KLHDC10: variants seen among roughly 807,000 people sequenced by gnomAD.
The protein encoded by KLHDC10 is kelch domain containing 10.
KLHDC10 carries 24 observed loss-of-function variants against 56.1 expected under a neutral mutation model. The ratio of observed to expected loss-of-function variants is 0.43; its 90% CI spans 0.31 to 0.60. KLHDC10 has a LOEUF of 0.60. Ranked by LOEUF, KLHDC10 falls within the 20% of genes least tolerant of loss-of-function variation. The pLI is 0.11. For missense variants in KLHDC10, 349 were observed against 567.0 expected, an observed-to-expected ratio of 0.62 and a Z score of 3.91; for synonymous variants, 188 against 207.1, an observed-to-expected ratio of 0.91 and a Z score of 0.79.
In KLHDC10 at chr7:130,120,986, C is replaced by T; in HGVS notation, c.630+83C>T. On this transcript the variant is annotated intron_variant, in intron 4 of 9. Coordinates refer to ENST00000335420, the MANE Select transcript of KLHDC10 (RefSeq NM_014997.4). This position sits in a 1 kb window ranked among gnomAD's most constrained non-coding sequence, Gnocchi z 5.1. ...GTGTTAGAATATTTGTAATTGTTACCATTTTATTTTAATGGAGAAGAGTTC... is the reference window on the plus strand; with the variant it reads ...GTGTTAGAATATTTGTAATTGTTACTATTTTATTTTAATGGAGAAGAGTTC... The T allele has an allele frequency of 7.6e-7, 1 of 1,319,202 alleles. No homozygotes were observed. The highest frequency in any genetic ancestry group is 1.0e-6 in the Non-Finnish European group (1 of 963,572). 81.7% of individuals were successfully genotyped at this position (1,319,202 alleles called of 1,614,324 possible).
At chr7:130,103,693 C>T (rs542396509) in intron 2 of KLHDC10, among the ~76,000 whole-genome samples, 1 of 152,232 alleles carries the variant, frequency 6.6e-6, no homozygotes, top group African/African-American at 2.4e-5. Context: ...GAATTCAGTA[C>T]CCGGCCTCAC....
intron 1 of KLHDC10, among the ~76,000 whole-genome samples, chr7:130,089,463 A>G (rs1321585248): frequency 6.6e-6 from 1 of 152,250 alleles, no homozygotes. Context: ...AAGAGTATTT[A>G]TAAGTGCTAA....
rs1796211694 is a variant in KLHDC10 at position 130,119,160 on chromosome 7, G to A, written c.476-1589G>A. On this transcript the variant is annotated intron_variant, in intron 3 of 9. Transcript: ENST00000335420. The stretch of plus-strand genomic sequence containing the variant: ...GGAGTTCAAGGCTGCAGTGAGCCAT[G>A]TTCATGCCACTGCACTCCAGCTAGG... 2.0e-5 allele frequency among the ~76,000 whole-genome samples: 3 copies of A among 150,882 alleles called. 1 individual carries two copies. The South Asian group carries it at 6.3e-4, about 31-fold the overall frequency.
At chr7:130,074,632 T>C (rs551023028) in intron 1 of KLHDC10, among the ~76,000 whole-genome samples, 64 of 151,586 alleles carry the variant, frequency 4.2e-4, no homozygotes, top group Non-Finnish European at 2.5e-4. Context: ...TTTTTTTTTT[T>C]TTTTCTGAGA....
rs562741762 is a variant in KLHDC10, at chr7:130,082,626, C to A, written c.166+11817C>A. Among the ~76,000 whole-genome samples the A allele has an allele frequency of 2.0e-5, 3 of 152,192 alleles. No homozygotes were observed. The South Asian group carries it at 6.2e-4, about 32-fold the overall frequency. ...TTTAGGTTTTTTCCTAGCTGGTGGC[C>A]TATTTTACTTCTCTCTGTTACAGCC... is the stretch of plus-strand genomic sequence containing the variant. On this transcript the variant is annotated intron_variant, in intron 1 of 9. Transcript: ENST00000335420.
Position 130,108,186 on chromosome 7 carries a change from CCACTGTA to C in KLHDC10, c.254-8255_254-8249del, listed in dbSNP as rs796527840. Among the ~76,000 whole-genome samples the C allele has an allele frequency of 9.2e-5, 14 of 151,762 alleles. 1 individual carries two copies. The South Asian group carries it at 2.7e-3, about 29-fold the overall frequency. ...GAAGTTGCAGTGAGCCGAAATCGCGCCACTGTACACCAGCCTGGGCGACAGAGCGAGA... is the reference window on the plus strand; with the variant it reads ...GAAGTTGCAGTGAGCCGAAATCGCGCCACCAGCCTGGGCGACAGAGCGAGA... On this transcript the variant is annotated intron_variant, in intron 2 of 9. Coordinates refer to ENST00000335420, the MANE Select transcript of KLHDC10 (RefSeq NM_014997.4).
chr7:130,128,396 T>G (rs900765500), intron 8 of KLHDC10, among the ~76,000 whole-genome samples: 1 of 152,224 alleles, frequency 6.6e-6, no homozygotes, highest in Non-Finnish European at 1.5e-5. Flanking sequence ...GCATTTCGTT[T>G]GAAGGTTCAC....
At chr7:130,104,963 T>A (rs1481965565) in intron 2 of KLHDC10, among the ~76,000 whole-genome samples, 1 of 152,136 alleles carries the variant, frequency 6.6e-6, no homozygotes, top group African/African-American at 2.4e-5. Context: ...CAGCAGGCAT[T>A]TCCCAAAAGA....
intron 2 of KLHDC10, among the ~76,000 whole-genome samples, chr7:130,107,843 C>CAAAAAAAAAAAAAACA (rs1796031803): frequency 3.8e-5 from 1 of 26,028 alleles, no homozygotes. Flanking sequence ...GACTCCGTCT[C>CAAAAAAAAAAAAAACA]AAAAAAAAAA....
At chr7:130,104,706 G>T (rs1563101942) in intron 2 of KLHDC10, among the ~76,000 whole-genome samples, 1 of 152,242 alleles carries the variant, frequency 6.6e-6, no homozygotes. Context: ...GCAAGAGGCA[G>T]AGTGGGAGCA....
intron 1 of KLHDC10, among the ~76,000 whole-genome samples, chr7:130,074,858 C>T (rs966568934): frequency 6.6e-6 from 1 of 152,124 alleles, no homozygotes; most frequent in East Asian, 1.9e-4. Context: ...ATCCACCCAC[C>T]TTGGCCTCCT....
chr7:130,125,833 T>C, intron 6 of KLHDC10, 32 bp from the exon 7 acceptor site: 1 of 1,485,658 alleles, frequency 6.7e-7, no homozygotes, highest in Non-Finnish European at 9.2e-7. Flanking sequence ...CAATTATTTA[T>C]GTATGTGTAT....
intron 1 of KLHDC10, among the ~76,000 whole-genome samples, chr7:130,084,525 G>A (rs2116851095): frequency 6.6e-6 from 1 of 152,284 alleles, no homozygotes; most frequent in African/African-American, 2.4e-5. Context: ...TGTAATCCCA[G>A]CACTTTGGGA....
At chr7:130,096,220 A>C (rs2116869880) in intron 1 of KLHDC10, among the ~76,000 whole-genome samples, 1 of 152,282 alleles carries the variant, frequency 6.6e-6, no homozygotes, top group Admixed American at 6.5e-5. Flanking sequence ...AGCGATCAAA[A>C]CTTTGGGAAA....
chr7:130,079,359 A>G (rs1449932355), intron 1 of KLHDC10, among the ~76,000 whole-genome samples: 1 of 152,138 alleles, frequency 6.6e-6, no homozygotes, highest in African/African-American at 2.4e-5. Context: ...TGCCAGGCCT[A>G]AAGTATTTTT....
At chr7:130,074,471 CCATATA>C (rs1262971186) in intron 1 of KLHDC10, among the ~76,000 whole-genome samples, 4 of 151,944 alleles carry the variant, frequency 2.6e-5, no homozygotes, top group East Asian at 3.9e-4. Flanking sequence ...TATATATATG[CCATATA>C]CATATACATA....
At chr7:130,109,843 TAGTC>T (rs1406366945) in intron 2 of KLHDC10, among the ~76,000 whole-genome samples, 2 of 152,110 alleles carry the variant, frequency 1.3e-5, no homozygotes, top group East Asian at 1.9e-4. Context: ...TTCACCATGT[TAGTC>T]AGGCTGGTCT....
intron 3 of KLHDC10, among the ~76,000 whole-genome samples, chr7:130,119,513 C>A (rs115340479): frequency 0.16 from 18,670 of 119,306 alleles, 1,402 homozygotes; most frequent in East Asian, 0.34. Context: ...CCCTGCCTTT[C>A]AAACAAACAA....
chr7:130,114,325 A>G (rs573698952), intron 2 of KLHDC10, among the ~76,000 whole-genome samples: 1 of 152,370 alleles, frequency 6.6e-6, no homozygotes, highest in East Asian at 1.9e-4. Context: ...GCTTGGTTAT[A>G]GAAAGGTAAA....
Sources: allele counts gnomAD v4.1 joint callset (sites outside exome capture counted in the v4.1 genomes callset), GRCh38; gene constraint gnomAD v4.1.1; non-coding constraint Gnocchi (gnomAD v3.1); transcripts MANE v1.5; gene names NCBI Gene and HGNC (gene_info 2026-07-23, HGNC 2026-07-21).